FCHSD2: variants seen among roughly 807,000 people sequenced by gnomAD.
FCHSD2 encodes the protein F-BAR and double SH3 domains protein 2.
In FCHSD2, 38 loss-of-function variants were observed where a neutral mutation model predicts 108.1. The ratio of observed to expected loss-of-function variants is 0.35; its 90% CI spans 0.27 to 0.46. FCHSD2 has a LOEUF of 0.46. Ranked by LOEUF, FCHSD2 falls within the 20% of genes least tolerant of loss-of-function variation. The pLI is 1.00. For missense variants in FCHSD2, 751 were observed against 897.8 expected (o/e 0.84, Z 2.09); for synonymous variants, 279 against 314.7 (o/e 0.89, Z 1.20).
At chr11:73,129,907 C>T (rs1249073798) in intron 2 of FCHSD2, among the ~76,000 whole-genome samples, 1 of 146,108 alleles carries the variant, frequency 6.8e-6, no homozygotes, top group Non-Finnish European at 1.5e-5. Flanking sequence ...CAGAGTCTCG[C>T]TCTGTCGCCC....
chr11:73,082,433 T>C (rs1484674338), intron 3 of FCHSD2, among the ~76,000 whole-genome samples: 1 of 139,448 alleles, frequency 7.2e-6, no homozygotes, highest in Non-Finnish European at 1.5e-5. Context: ...TGATACACAA[T>C]AAGCACTCAA....
At chr11:73,087,011 A>G (rs1859832394) in intron 2 of FCHSD2, among the ~76,000 whole-genome samples, 1 of 152,198 alleles carries the variant, frequency 6.6e-6, no homozygotes, top group East Asian at 1.9e-4. Flanking sequence ...TAACTGTAAA[A>G]CAGCCTCAGG....
intron 3 of FCHSD2, among the ~76,000 whole-genome samples, chr11:73,043,943 T>C (rs543096840): frequency 6.6e-6 from 1 of 152,174 alleles, no homozygotes; most frequent in Non-Finnish European, 1.5e-5. Flanking sequence ...TCATCATCCC[T>C]TGGAAGGCCA....
At chr11:73,102,333 T>A (rs550579142) in intron 2 of FCHSD2, among the ~76,000 whole-genome samples, 114 of 152,316 alleles carry the variant, frequency 7.5e-4, no homozygotes, top group Non-Finnish European at 1.4e-3. Flanking sequence ...CTTTTAAATT[T>A]AACACACATT....
intron 3 of FCHSD2, among the ~76,000 whole-genome samples, chr11:73,067,168 G>C (rs561295928): frequency 6.6e-6 from 1 of 152,282 alleles, no homozygotes; most frequent in South Asian, 2.1e-4. Flanking sequence ...AAAAGGATGA[G>C]TTCATGTCCT....
chr11:72,848,000 C>T lies in FCHSD2; in HGVS notation c.1443+1755G>A, dbSNP rs117021568. The stretch of plus-strand genomic sequence containing the variant: ...AGCCACCATTCCCGGCCAACTCTAA[C>T]CATTAAATATAGTTTCTTTGTTCTC... On this transcript the variant is annotated intron_variant, in intron 14 of 19. Coordinates refer to ENST00000409418, the MANE Select transcript of FCHSD2 (RefSeq NM_014824.3). Among the ~76,000 whole-genome samples the T allele has an allele frequency of 8.5e-5, 13 of 152,262 alleles. No homozygotes were observed. In the East Asian group the frequency reaches 1.7e-3, roughly 20 times the overall value.
At chr11:73,109,740 T>A (rs975832233) in intron 2 of FCHSD2, among the ~76,000 whole-genome samples, 1 of 152,196 alleles carries the variant, frequency 6.6e-6, no homozygotes, top group Non-Finnish European at 1.5e-5. Flanking sequence ...ATACACTGAG[T>A]AACAGTAGTG....
At chr11:72,908,004 G>A (rs1344413645) in intron 9 of FCHSD2, among the ~76,000 whole-genome samples, 1 of 152,060 alleles carries the variant, frequency 6.6e-6, no homozygotes, top group Admixed American at 6.6e-5. Flanking sequence ...ATACCCATTA[G>A]CCATCCTGGC....
At position 72,971,563 on chromosome 11, in the gene FCHSD2, T is replaced by C. The variant is rs148679298; in HGVS notation, c.705+12525A>G. ...TACTGCTGGCTTGGTAATGGAGAAT[T>C]ATGTACAAAGGACCTGAGAGCACCT... is the stretch of plus-strand genomic sequence containing the variant. On this transcript the variant is annotated intron_variant, in intron 8 of 19. Coordinates refer to ENST00000409418, the MANE Select transcript of FCHSD2 (RefSeq NM_014824.3). Among the ~76,000 whole-genome samples the C allele has an allele frequency of 1.8e-3, 275 of 152,196 alleles. 2 individuals are homozygous for C. Among genetic ancestry groups the C allele is most frequent in the Non-Finnish European group, 2.9e-3 (196 of 68,004 alleles).
chr11:73,017,337 T>C (rs1857996281), intron 3 of FCHSD2, among the ~76,000 whole-genome samples: 1 of 152,210 alleles, frequency 6.6e-6, no homozygotes, highest in African/African-American at 2.4e-5. Flanking sequence ...CAGGGCCTAA[T>C]GTAATGGTTA....
chr11:72,899,835 T>G (rs1041412940), intron 10 of FCHSD2, among the ~76,000 whole-genome samples: 1 of 149,538 alleles, frequency 6.7e-6, no homozygotes, highest in Non-Finnish European at 1.5e-5. Context: ...ATGAAAAAAC[T>G]AATTGCTTCC....
chr11:72,882,036 T>C (rs1174495370), intron 12 of FCHSD2, among the ~76,000 whole-genome samples: 2 of 151,616 alleles, frequency 1.3e-5, no homozygotes, highest in African/African-American at 4.9e-5. Flanking sequence ...TCCCGGCTAG[T>C]TGGGAGGCTG....
chr11:73,006,749 G>A (rs868347469), intron 4 of FCHSD2, among the ~76,000 whole-genome samples: 1 of 152,242 alleles, frequency 6.6e-6, no homozygotes, highest in African/African-American at 2.4e-5. Flanking sequence ...CTTGTTTACT[G>A]TTTGTCTTCC....
intron 14 of FCHSD2, among the ~76,000 whole-genome samples, chr11:72,847,484 C>T (rs1861177307): frequency 6.6e-6 from 1 of 152,160 alleles, no homozygotes; most frequent in Admixed American, 6.5e-5. Flanking sequence ...CAAAACTTCT[C>T]CCTTCATGGA....
At chr11:73,035,958 A>C (rs1858486325) in intron 3 of FCHSD2, among the ~76,000 whole-genome samples, 1 of 151,760 alleles carries the variant, frequency 6.6e-6, no homozygotes, top group African/African-American at 2.4e-5. Flanking sequence ...TGACCTTGTG[A>C]TCCGCCTACC....
intron 2 of FCHSD2, among the ~76,000 whole-genome samples, chr11:73,115,129 A>C (rs977635435): frequency 6.6e-6 from 1 of 152,210 alleles, no homozygotes; most frequent in African/African-American, 2.4e-5. Context: ...CCCTCTGACT[A>C]TGGCTGGCCT....
chr11:72,925,973 C>T (rs1478432257), intron 8 of FCHSD2, among the ~76,000 whole-genome samples: 2 of 152,246 alleles, frequency 1.3e-5, no homozygotes, highest in Non-Finnish European at 2.9e-5. Flanking sequence ...CCTCCCTGTG[C>T]TCCTGGGGGA....
At chr11:73,038,490 C>T (rs1858553319) in intron 3 of FCHSD2, among the ~76,000 whole-genome samples, 1 of 152,094 alleles carries the variant, frequency 6.6e-6, no homozygotes, top group African/African-American at 2.4e-5. Context: ...ACCTGTGGTA[C>T]ATATACAGCG....
chr11:73,075,741 G>A (rs763549198), intron 3 of FCHSD2, among the ~76,000 whole-genome samples: 1 of 151,904 alleles, frequency 6.6e-6, no homozygotes, highest in Non-Finnish European at 1.5e-5. Flanking sequence ...CTTGAACCCA[G>A]GGGGCAGAGT....
Sources: allele counts gnomAD v4.1 joint callset (sites outside exome capture counted in the v4.1 genomes callset), GRCh38; gene constraint gnomAD v4.1.1; transcripts MANE v1.5; gene names NCBI Gene and HGNC (gene_info 2026-07-23, HGNC 2026-07-21).